PLCG2: variants seen among roughly 807,000 people sequenced by gnomAD.
PLCG2 encodes the protein phospholipase C gamma 2.
Under a neutral mutation model 175.6 loss-of-function variants are expected in PLCG2, and 69 were observed. The observed-to-expected ratio is 0.39, with a 90% confidence interval of 0.32 to 0.48. The LOEUF (loss-of-function observed/expected upper bound fraction) is 0.48. Ranked by LOEUF, PLCG2 falls within the 20% of genes least tolerant of loss-of-function variation. The probability of loss-of-function intolerance (pLI) is 0.91; values close to 1 mark genes in which losing one functional copy is unlikely to be tolerated. For missense variants in PLCG2, 1,798 were observed against 1,650.9 expected, an observed-to-expected ratio of 1.09 and a Z score of -1.54; for synonymous variants, 827 against 624.0, an observed-to-expected ratio of 1.33 and a Z score of -4.85.
chr16:81,776,715 T>C (rs1910416891), upstream of PLCG2, among the ~76,000 whole-genome samples: 1 of 152,270 alleles, frequency 6.6e-6, no homozygotes, highest in African/African-American at 2.4e-5. Context: ...CCACCATGCC[T>C]GGGTAATTTT....
chr16:81,750,453 C>G (rs1384879279), intron 1 of PLCG2, among the ~76,000 whole-genome samples: 1 of 148,650 alleles, frequency 6.7e-6, no homozygotes, highest in Non-Finnish European at 1.5e-5. Flanking sequence ...TCCAGCACAG[C>G]AATCCCACTT....
chr16:81,910,568 C>A lies in PLCG2; in HGVS notation c.1782C>A (p.Gly594=). The change falls in exon 18 of 33, where the codon GGC becomes GGA. Residue 594 remains glycine (G), a synonymous_variant. Coordinates refer to ENST00000564138, the MANE Select transcript of PLCG2 (RefSeq NM_002661.5). ...QHCRIRSTME[G]GTLKYYLTDN... ...GCCGGATCCGCTCCACCATGGAGGGCGGGACCCTGAAATACTACTTGACTG... is the reference window on the plus strand; with the variant it reads ...GCCGGATCCGCTCCACCATGGAGGGAGGGACCCTGAAATACTACTTGACTG... 6.2e-7 allele frequency: 1 copy of A among 1,614,110 alleles called. No homozygotes were observed. The highest frequency in any genetic ancestry group is 1.1e-5 in the South Asian group (1 of 91,088).
intron 9 of PLCG2, among the ~76,000 whole-genome samples, chr16:81,888,500 G>A (rs910469320): frequency 3.9e-5 from 6 of 152,222 alleles, no homozygotes; most frequent in Non-Finnish European, 7.3e-5. Context: ...GTGGGTCTGA[G>A]CACTTTCTGT....
At chr16:81,904,493 C>A (rs76466892) in intron 14 of PLCG2, among the ~76,000 whole-genome samples, 11 of 152,320 alleles carry the variant, frequency 7.2e-5, no homozygotes, top group African/African-American at 2.4e-4. Flanking sequence ...CAGCCACTTG[C>A]CCGGGGTCAC....
intron 5 of PLCG2, among the ~76,000 whole-genome samples, chr16:81,861,369 C>A (rs1009158068): frequency 2.6e-5 from 4 of 152,206 alleles, no homozygotes; most frequent in African/African-American, 9.7e-5. Context: ...TCCTCTGTTA[C>A]TTGTTAGCTT....
chr16:81,828,235 ATTTTTTTTTTTT>A (rs67992648), intron 2 of PLCG2, among the ~76,000 whole-genome samples: 28 of 59,404 alleles, frequency 4.7e-4, no homozygotes, highest in Middle Eastern at 0.023. Context: ...GAGAAATGTC[ATTTTTTTTTTTT>A]TTTTTTTTTT....
intron 30 of PLCG2, among the ~76,000 whole-genome samples, chr16:81,942,029 G>A (rs1445868104): frequency 6.6e-6 from 1 of 152,178 alleles, no homozygotes; most frequent in Non-Finnish European, 1.5e-5. Flanking sequence ...TTCTTCTGGT[G>A]CAGGAAGTGT....
intron 1 of PLCG2, among the ~76,000 whole-genome samples, chr16:81,755,300 G>T (rs1231495695): frequency 1.3e-5 from 2 of 151,858 alleles, no homozygotes; most frequent in African/African-American, 4.8e-5. Context: ...GGGCTCAAGT[G>T]ATCCTCCCGC....
intron 2 of PLCG2, among the ~76,000 whole-genome samples, chr16:81,805,179 A>G (rs4889387): frequency 0.95 from 143,946 of 152,220 alleles, 68,524 homozygotes; most frequent in East Asian, 1. Flanking sequence ...TAAAGGACCC[A>G]TATCCAAAAT....
At chr16:81,821,874 T>TTC (rs1465022264) in intron 2 of PLCG2, among the ~76,000 whole-genome samples, 2 of 151,918 alleles carry the variant, frequency 1.3e-5, no homozygotes, top group Non-Finnish European at 2.9e-5. Flanking sequence ...CCAAGATGTT[T>TTC]TTTTTTTTTT....
chr16:81,793,238 C>A (rs141447790), intron 2 of PLCG2, among the ~76,000 whole-genome samples: 1 of 152,114 alleles, frequency 6.6e-6, no homozygotes, highest in South Asian at 2.1e-4. Context: ...AGTTAAGGAG[C>A]TGGTTGTCTG....
chr16:81,750,506 A>G (rs1701135102), intron 1 of PLCG2, among the ~76,000 whole-genome samples: 1 of 151,748 alleles, frequency 6.6e-6, no homozygotes, highest in South Asian at 2.1e-4. Flanking sequence ...TTGTTGAAAG[A>G]TGTCTGCACT....
intron 25 of PLCG2, among the ~76,000 whole-genome samples, chr16:81,933,468 A>AGTT (rs1480840719): frequency 4.6e-5 from 7 of 152,072 alleles, no homozygotes; most frequent in African/African-American, 1.7e-4. Context: ...AAATCCTTCT[A>AGTT]GTTAGTGGGT....
intron 1 of PLCG2, among the ~76,000 whole-genome samples, chr16:81,785,206 C>T (rs1235771301): frequency 6.6e-6 from 1 of 152,176 alleles, no homozygotes; most frequent in Non-Finnish European, 1.5e-5. Flanking sequence ...TGACCACCCA[C>T]AAGCATAAAC....
chr16:81,799,800 A>G (rs1199606396), intron 2 of PLCG2, among the ~76,000 whole-genome samples: 1 of 149,932 alleles, frequency 6.7e-6, no homozygotes, highest in Non-Finnish European at 1.5e-5. Flanking sequence ...TCACCGTGTT[A>G]GCCAGGATGG....
chr16:81,844,143 ATTTT>A (rs60183943), intron 2 of PLCG2, among the ~76,000 whole-genome samples: 4 of 93,924 alleles, frequency 4.3e-5, no homozygotes, highest in African/African-American at 8.1e-5. Flanking sequence ...CACCCGGCTG[ATTTT>A]TTTTTTTTTT....
chr16:81,866,695 C>T (rs562565798), intron 5 of PLCG2, among the ~76,000 whole-genome samples: 12 of 143,862 alleles, frequency 8.3e-5, no homozygotes, highest in South Asian at 7.0e-4. Flanking sequence ...CTCTCCCTTG[C>T]TCCCAGGATG....
chr16:81,744,737 A>C (rs1257526637), intron 1 of PLCG2, among the ~76,000 whole-genome samples: 1 of 151,716 alleles, frequency 6.6e-6, no homozygotes, highest in African/African-American at 2.4e-5. Flanking sequence ...ATACCCAGCT[A>C]ATTTTTTTTT....
chr16:81,818,253 C>T (rs1254370246), intron 2 of PLCG2, among the ~76,000 whole-genome samples: 2 of 152,228 alleles, frequency 1.3e-5, no homozygotes, highest in African/African-American at 2.4e-5. Context: ...CAGTCAGCTC[C>T]TCACTTCCTG....
Sources: gnomAD v4.1 joint callset for allele counts (sites outside exome capture counted in the v4.1 genomes callset) on GRCh38, gnomAD v4.1.1 for gene constraint, MANE v1.5 for transcripts, NCBI Gene and HGNC (gene_info 2026-07-23, HGNC 2026-07-21) for gene names.